The following NT5C1A variants were observed in gnomAD, a reference collection of about 807,000 sequenced individuals.
NT5C1A encodes the protein cytosolic 5'-nucleotidase 1A.
NT5C1A carries 18 observed loss-of-function variants against 31.0 expected under a neutral mutation model. The ratio of observed to expected loss-of-function variants is 0.58; its 90% confidence interval spans 0.40 to 0.86. NT5C1A has a LOEUF of 0.86. Ranked by LOEUF, NT5C1A falls within the 40% of genes least tolerant of loss-of-function variation. The pLI, the probability that NT5C1A is intolerant of heterozygous loss-of-function variation, is 0.00. For synonymous variants in NT5C1A, 185 were observed against 203.6 expected (o/e 0.91, Z 0.78); for missense variants, 470 against 505.4 (o/e 0.93, Z 0.67).
chr1:39,669,345 C>T (rs784595), intron 1 of NT5C1A, among the ~76,000 whole-genome samples: 123,779 of 152,042 alleles, frequency 0.81, 50,783 homozygotes, highest in African/African-American at 0.92. Context: ...CTGTTATTCC[C>T]AGTAGGACTT....
chr1:39,652,362 C>CT lies in NT5C1A; in HGVS notation c.*6758dup, dbSNP rs1385755192. On this transcript the variant is annotated 3_prime_UTR_variant, in exon 6 of 6. Coordinates refer to ENST00000235628, the MANE Select transcript of NT5C1A (RefSeq NM_032526.3). ...AGCTTCTCTTCAAAAATGGGGCGGA[C>CT]TATCCGGCAACCTCAGGCCACATTC... 2.6e-5 allele frequency among the ~76,000 whole-genome samples: 4 copies of CT among 152,204 alleles called. No individual in the cohort carries two copies. The highest frequency in any genetic ancestry group is 5.9e-5 in the Non-Finnish European group (4 of 68,028).
chr1:39,671,684 G>C (rs1035600777), intron 1 of NT5C1A, among the ~76,000 whole-genome samples: 1 of 152,152 alleles, frequency 6.6e-6, no homozygotes, highest in Non-Finnish European at 1.5e-5. Flanking sequence ...GCATGGGGGA[G>C]GGGGAGCCTG....
At position 39,666,131 on chromosome 1, in the gene NT5C1A, G is replaced by A. The variant is rs201701922; in HGVS notation, c.241C>T (p.Arg81Cys). The change falls in exon 2 of 6, where the codon CGC becomes TGC. Residue 81 changes from arginine (R) to cysteine (C), a missense_variant. Coordinates refer to ENST00000235628, the MANE Select transcript of NT5C1A (RefSeq NM_032526.3). The part of the protein sequence containing the change: ...YTEQGVEEYV[R>C]YQLEHENEPF... ...TCGTTCTCATGTTCCAGCTGGTAGC[G>A]CACGTACTCCTCCACGCCCTGCTCC... 2.4e-5 allele frequency: 38 copies of A among 1,613,658 alleles called. No individual in the cohort carries two copies. The Admixed American group carries it at 2.5e-4, about 11-fold the overall frequency.
rs766614831 is a variant in NT5C1A, at chr1:39,655,423, G to A, written c.*3698C>T. Among the ~76,000 whole-genome samples, 1 of 152,172 alleles carries A rather than the reference G, an allele frequency of 6.6e-6. No individual in the cohort carries two copies. The highest frequency in any genetic ancestry group is 2.1e-4 in the South Asian group (1 of 4,824). On this transcript the variant is annotated 3_prime_UTR_variant, in exon 6 of 6. Transcript: ENST00000235628. The stretch of plus-strand genomic sequence containing the variant: ...TGGCTCTAATTTAAATTATTTGTAG[G>A]TGTTTAGGAAGCTATAATAAAAGCA...
intron 3 of NT5C1A, among the ~76,000 whole-genome samples, chr1:39,664,495 T>TCCCCAGAGTGGATTTCTC (rs1456016135): frequency 3.2e-5 from 1 of 30,972 alleles, no homozygotes; most frequent in East Asian, 8.8e-4. Context: ...TTTCTCCTCC[T>TCCCCAGAGTGGATTTCTC]CTCCTCTCCT....
In NT5C1A at chr1:39,672,090, G is replaced by C; in HGVS notation, c.-52C>G. On this transcript the variant is annotated 5_prime_UTR_variant, in exon 1 of 6. Transcript: ENST00000235628. ...GAGCAGGCGGCGGCGTAGACGCGGA[G>C]GTGGCTGGGGCTGGGCTGCAGGAGG... 1 of 1,391,018 alleles carries C rather than the reference G, an allele frequency of 7.2e-7. No homozygotes were observed. The highest frequency in any genetic ancestry group is 9.6e-7 in the Non-Finnish European group (1 of 1,044,402). 86.2% of individuals were successfully genotyped at this position (1,391,018 alleles called of 1,614,324 possible). A position where few individuals can be genotyped will look rare whatever the true frequency, so the allele number is the denominator to read the frequency against.
chr1:39,665,846 C>A (rs1371278567), intron 2 of NT5C1A, among the ~76,000 whole-genome samples, 196 bp from the exon 3 acceptor site: 1 of 152,160 alleles, frequency 6.6e-6, no homozygotes, highest in African/African-American at 2.4e-5. Flanking sequence ...AAATCCAGCC[C>A]GCATTCCACT....
rs764449340 is a variant in NT5C1A at position 39,665,551 on chromosome 1, C to T, written c.403G>A (p.Val135Ile). Residue 135 changes from valine to isoleucine, a missense_variant, in exon 3 of 6, where the codon GTC (valine) becomes ATC (isoleucine). Val to Ile is a conservative substitution (Grantham distance 29). Coordinates refer to ENST00000235628, the MANE Select transcript of NT5C1A (RefSeq NM_032526.3). ...TGGTTGATACTGTTGATGAGGCGGA[C>T]ACCCACTTGAGCATGGTTGTTAGTC... Reference protein sequence around the residue: ...LMTNNHAQVGVRLINSINHYD... With the variant: ...LMTNNHAQVGIRLINSINHYD... The T allele has an allele frequency of 6.2e-7, 1 of 1,613,354 alleles. No individual in the cohort carries two copies. Among genetic ancestry groups the T allele is most frequent in the Non-Finnish European group, 8.5e-7 (1 of 1,179,890 alleles).
rs551173206 is a variant in NT5C1A at position 39,654,646 on chromosome 1, A to G, written c.*4475T>C. On this transcript the variant is annotated 3_prime_UTR_variant, in exon 6 of 6. Transcript: ENST00000235628. Reference sequence around the variant, plus strand: ...AGCCATGGGTCGCTTGAAAATAGTCAAAACTTGGAATCTTCAGATGGGCAT... The same window carrying G: ...AGCCATGGGTCGCTTGAAAATAGTCGAAACTTGGAATCTTCAGATGGGCAT... 6.6e-6 allele frequency among the ~76,000 whole-genome samples: 1 copy of G among 152,344 alleles called. No individual in the cohort carries two copies. Among genetic ancestry groups the G allele is most frequent in the East Asian group, 1.9e-4 (1 of 5,178 alleles).
Position 39,653,170 on chromosome 1 carries a change from C to T in NT5C1A, c.*5951G>A, listed in dbSNP as rs994633321. Reference sequence around the variant, plus strand: ...AGATTCTACCACTTCCTTCCCAAGGCTCAGGAGTAGGGGTAGGAGGCAGAG... The same window carrying T: ...AGATTCTACCACTTCCTTCCCAAGGTTCAGGAGTAGGGGTAGGAGGCAGAG... On this transcript the variant is annotated 3_prime_UTR_variant, in exon 6 of 6. Coordinates refer to ENST00000235628, the MANE Select transcript of NT5C1A (RefSeq NM_032526.3). Among the ~76,000 whole-genome samples the T allele has an allele frequency of 6.6e-6, 1 of 151,856 alleles. No homozygotes were observed. The highest frequency in any genetic ancestry group is 6.6e-5 in the Admixed American group (1 of 15,244).
At chr1:39,670,902 G>A (rs1646547528) in intron 1 of NT5C1A, among the ~76,000 whole-genome samples, 1 of 152,088 alleles carries the variant, frequency 6.6e-6, no homozygotes, top group African/African-American at 2.4e-5. Context: ...CTCATCTCTG[G>A]AGCCTCCATC....
At chr1:39,669,209 G>C (rs1046474810) in intron 1 of NT5C1A, among the ~76,000 whole-genome samples, 1 of 152,206 alleles carries the variant, frequency 6.6e-6, no homozygotes, top group African/African-American at 2.4e-5. Context: ...TGATGGCTCC[G>C]GCTAGGGGAT....
At position 39,655,722 on chromosome 1, in the gene NT5C1A, G is replaced by C. The variant is rs1481812749; in HGVS notation, c.*3399C>G. The stretch of plus-strand genomic sequence containing the variant: ...CATGGCCAGGACACCACAAAACAGA[G>C]TAGACACTGGCCATAGTGCCGCTGC... On this transcript the variant is annotated 3_prime_UTR_variant, in exon 6 of 6. Transcript: ENST00000235628. Among the ~76,000 whole-genome samples, 1 of 152,004 alleles carries C rather than the reference G, an allele frequency of 6.6e-6. No individual in the cohort carries two copies. Among genetic ancestry groups the C allele is most frequent in the Non-Finnish European group, 1.5e-5 (1 of 68,026 alleles).
In NT5C1A at chr1:39,658,014, G is replaced by A. The variant is rs1358418236; in HGVS notation, c.*1107C>T. Reference sequence around the variant, plus strand: ...CTGCACTTTCTTCCCCTAGAATTGAGGCCACAACAGTAGACACCCATGCTC... The same window carrying A: ...CTGCACTTTCTTCCCCTAGAATTGAAGCCACAACAGTAGACACCCATGCTC... On this transcript the variant is annotated 3_prime_UTR_variant, in exon 6 of 6. Coordinates refer to ENST00000235628, the MANE Select transcript of NT5C1A (RefSeq NM_032526.3). 1.3e-5 allele frequency among the ~76,000 whole-genome samples: 2 copies of A among 152,162 alleles called. No homozygotes were observed. Among genetic ancestry groups the A allele is most frequent in the Non-Finnish European group, 2.9e-5 (2 of 68,032 alleles).
rs763839002 is a variant in NT5C1A at position 39,672,009 on chromosome 1, C to G, written c.30G>C (p.Gln10His). 2.5e-6 allele frequency: 4 copies of G among 1,606,280 alleles called. No individual in the cohort carries two copies. The South Asian group carries it at 4.4e-5, about 18-fold the overall frequency. The change falls in exon 1 of 6, where the codon CAG becomes CAC. Residue 10 changes from glutamine to histidine, a missense_variant. By Grantham distance (24) the Gln-to-His change is conservative. Transcript: ENST00000235628. ...CTCCTGGCCCGGGCTCGCGGGGCTC[C>G]TGGGGCTCCCGGGGCTGCCCAGGTT... MEPGQPREP[Q>H]EPREPGPGAE... is the part of the protein sequence containing the mutation.
intron 1 of NT5C1A, among the ~76,000 whole-genome samples, chr1:39,669,748 T>C (rs1042059726): frequency 2.0e-5 from 3 of 152,176 alleles, no homozygotes; most frequent in Admixed American, 6.5e-5. Flanking sequence ...CCAGTCTCCA[T>C]CCCTTCTTCT....
At position 39,659,132 on chromosome 1, in the gene NT5C1A, A is replaced by T. The variant is rs112421279; in HGVS notation, c.1096T>A (p.Ser366Thr). Residue 366 changes from serine to threonine, a missense_variant, in exon 6 of 6, where the codon TCT becomes ACT. By Grantham distance (58) the Ser-to-Thr change is moderately conservative. Transcript: ENST00000235628. ...AGCCGGTGGTTCAGCTACTGTGCAG[A>T]TGGGGCCTGCTTTGCAGGTGCAGTC... is the stretch of plus-strand genomic sequence containing the variant. ...RRTAPAKQAP[S>T]AQ 1.2e-6 allele frequency: 2 copies of T among 1,603,120 alleles called. No individual in the cohort carries two copies. Among genetic ancestry groups the T allele is most frequent in the Non-Finnish European group, 1.7e-6 (2 of 1,173,176 alleles).
Position 39,661,232 on chromosome 1 carries a change from G to T in NT5C1A, c.588C>A (p.Ser196Arg), listed in dbSNP as rs1328619609. 1.3e-6 allele frequency: 2 copies of T among 1,588,476 alleles called. No individual in the cohort carries two copies. ...GACTCTGGGACACAACCACATCCCT[G>T]CTGGGGCTGAAGATGGTGGCAGCTG... ...GIAAATIFSP[S>R]RDVVVSQSQL... The change falls in exon 5 of 6, where the codon AGC becomes AGA. Residue 196 changes from serine (S) to arginine (R), a missense_variant. Ser to Arg is a moderately radical substitution (Grantham distance 110). Coordinates refer to ENST00000235628, the MANE Select transcript of NT5C1A (RefSeq NM_032526.3).
intron 5 of NT5C1A, among the ~76,000 whole-genome samples, chr1:39,660,057 G>A (rs1224150517): frequency 6.6e-6 from 1 of 152,202 alleles, no homozygotes; most frequent in African/African-American, 2.4e-5. Flanking sequence ...AGACAACGAT[G>A]AAGAAAACTG....
Sources: gnomAD v4.1 joint callset for allele counts (sites outside exome capture counted in the v4.1 genomes callset) on GRCh38, gnomAD v4.1.1 for gene constraint, MANE v1.5 for transcripts, NCBI Gene and HGNC (gene_info 2026-07-23, HGNC 2026-07-21) for gene names.